Variants in SLC24A2 observed in about 807,000 individuals in gnomAD.
SLC24A2 encodes solute carrier family 24 member 2, also known as sodium/potassium/calcium exchanger 2.
SLC24A2 carries 36 observed loss-of-function variants against 62.0 expected under a neutral mutation model. That is an observed-to-expected ratio of 0.58 (90% CI 0.44 to 0.77). The LOEUF is 0.77. SLC24A2 is among the 30% of genes least tolerant of loss of function. SLC24A2 has a pLI of 0.00. For missense variants in SLC24A2, 846 were observed against 817.9 expected (o/e 1.03, Z -0.42); for synonymous variants, 358 against 294.0 (o/e 1.22, Z -2.23).
chr9:19,530,512 CT>C (rs1477049306), intron 8 of SLC24A2, among the ~76,000 whole-genome samples: 6 of 152,128 alleles, frequency 3.9e-5, no homozygotes, highest in Non-Finnish European at 1.5e-5. Flanking sequence ...CCTGTTTATT[CT>C]TTGAGATAAC....
intron 2 of SLC24A2, among the ~76,000 whole-genome samples, chr9:19,732,364 G>C (rs1821365682): frequency 1.3e-5 from 2 of 152,124 alleles, no homozygotes. Flanking sequence ...AGTGGCCTGA[G>C]ACCACCTCTT....
At chr9:19,828,620 T>C in the SLC24A2 span, among the ~76,000 whole-genome samples, 18 of 152,278 alleles carry the variant, frequency 1.2e-4, no homozygotes, top group Admixed American at 9.2e-4. Context: ...TCATATCCTG[T>C]TCCTGCCCTT....
chr9:20,005,562 G>C, the SLC24A2 span, among the ~76,000 whole-genome samples: 6 of 151,896 alleles, frequency 4.0e-5, no homozygotes, highest in African/African-American at 1.4e-4. Flanking sequence ...TCAAGTTTCT[G>C]AGACTCTAAA....
At chr9:19,744,186 T>C (rs760410650) in intron 2 of SLC24A2, among the ~76,000 whole-genome samples, 50 of 152,262 alleles carry the variant, frequency 3.3e-4, no homozygotes, top group Admixed American at 5.2e-4. Context: ...GAGGGTCTTG[T>C]CCATATTACT....
intron 4 of SLC24A2, among the ~76,000 whole-genome samples, chr9:19,608,668 G>A (rs112848761): frequency 6.6e-6 from 1 of 152,004 alleles, no homozygotes; most frequent in East Asian, 1.9e-4. Flanking sequence ...GATGACTTTC[G>A]GGTGTGTGGC....
the SLC24A2 span, among the ~76,000 whole-genome samples, chr9:20,106,536 G>T: frequency 6.6e-6 from 1 of 152,146 alleles, no homozygotes; most frequent in Non-Finnish European, 1.5e-5. Context: ...ATGCAAGGCT[G>T]GTTCAATACA....
the SLC24A2 span, among the ~76,000 whole-genome samples, chr9:20,254,839 G>A: frequency 1.3e-5 from 2 of 152,158 alleles, no homozygotes; most frequent in Non-Finnish European, 2.9e-5. Flanking sequence ...ACATGGCTGG[G>A]GAGGCCTCAC....
chr9:19,639,583 T>C (rs1432860889), intron 2 of SLC24A2, among the ~76,000 whole-genome samples: 1 of 152,258 alleles, frequency 6.6e-6, no homozygotes, highest in Non-Finnish European at 1.5e-5. Context: ...GGGCTGTGTA[T>C]GTGCATGGGA....
At chr9:19,810,071 C>G in the SLC24A2 span, among the ~76,000 whole-genome samples, 2 of 152,182 alleles carry the variant, frequency 1.3e-5, no homozygotes, top group East Asian at 3.9e-4. Context: ...AGAGGCCACA[C>G]TGCTGGCTAG....
chr9:19,699,732 T>C (rs531941444), intron 2 of SLC24A2, among the ~76,000 whole-genome samples: 1 of 152,368 alleles, frequency 6.6e-6, no homozygotes, highest in Non-Finnish European at 1.5e-5. Flanking sequence ...TACAGATGAT[T>C]TTTATTTTTC....
chr9:20,050,899 A>C, the SLC24A2 span, among the ~76,000 whole-genome samples: 2 of 152,194 alleles, frequency 1.3e-5, no homozygotes, highest in East Asian at 1.9e-4. Flanking sequence ...AAAATAATTA[A>C]AGGGTGTATG....
chr9:19,752,106 G>A (rs148510176), intron 2 of SLC24A2, among the ~76,000 whole-genome samples: 10 of 152,242 alleles, frequency 6.6e-5, no homozygotes, highest in African/African-American at 2.4e-4. Context: ...GAGTGCTTGC[G>A]ACACGTTTGC....
At chr9:19,923,722 A>C in the SLC24A2 span, among the ~76,000 whole-genome samples, 5 of 152,218 alleles carry the variant, frequency 3.3e-5, no homozygotes, top group Non-Finnish European at 5.9e-5. Context: ...AGACAAATAA[A>C]TAGATAGTTG....
the SLC24A2 span, among the ~76,000 whole-genome samples, chr9:20,282,892 C>T: frequency 6.6e-6 from 1 of 152,142 alleles, no homozygotes; most frequent in Non-Finnish European, 1.5e-5. Context: ...TGCAATGAAC[C>T]TTGCATCTGT....
the SLC24A2 span, among the ~76,000 whole-genome samples, chr9:20,070,500 C>T: frequency 6.6e-6 from 1 of 152,130 alleles, no homozygotes; most frequent in South Asian, 2.1e-4. Flanking sequence ...TGTAAATGAA[C>T]CAAAGAAACC....
At chr9:19,907,195 C>G in the SLC24A2 span, among the ~76,000 whole-genome samples, 1 of 152,108 alleles carries the variant, frequency 6.6e-6, no homozygotes, top group Non-Finnish European at 1.5e-5. Context: ...TAAACGTAAT[C>G]CAGCATATAA....
chr9:20,010,938 C>A, the SLC24A2 span, among the ~76,000 whole-genome samples: 4 of 152,068 alleles, frequency 2.6e-5, no homozygotes, highest in Admixed American at 6.5e-5. Flanking sequence ...AGGACAAGAA[C>A]TCATCATTTT....
chr9:19,808,135 G>C, the SLC24A2 span, among the ~76,000 whole-genome samples: 8 of 152,130 alleles, frequency 5.3e-5, no homozygotes, highest in Non-Finnish European at 1.2e-4. The surrounding 1 kb of genome is among the most constrained non-coding windows in gnomAD (Gnocchi z 4.1). Flanking sequence ...TCTTGCTTCA[G>C]GCACCTAAGA....
the SLC24A2 span, among the ~76,000 whole-genome samples, chr9:19,840,620 C>T: frequency 6.6e-6 from 1 of 151,960 alleles, no homozygotes. Context: ...AATTGGTATC[C>T]AGTTTTTCAT....
Sources: gnomAD v4.1 joint callset for allele counts (sites outside exome capture counted in the v4.1 genomes callset) on GRCh38, gnomAD v4.1.1 for gene constraint, Gnocchi (gnomAD v3.1) non-coding constraint, MANE v1.5 for transcripts, NCBI Gene and HGNC (gene_info 2026-07-23, HGNC 2026-07-21) for gene names.